Variants in PDZRN4 observed in about 807,000 individuals in gnomAD.
The protein encoded by PDZRN4 is PDZ domain containing ring finger 4.
Under a neutral mutation model 99.0 loss-of-function variants are expected in PDZRN4, and 70 were observed. The observed-to-expected ratio is 0.71, with a 90% CI of 0.58 to 0.86. The LOEUF (loss-of-function observed/expected upper bound fraction) is 0.86. PDZRN4 is among the 40% of genes least tolerant of loss of function. The probability of loss-of-function intolerance (pLI) is 0.00; values close to 1 mark genes in which losing one functional copy is unlikely to be tolerated. For synonymous variants in PDZRN4, 551 were observed against 501.6 expected, an observed-to-expected ratio of 1.10 and a Z score of -1.32; for missense variants, 1,474 against 1,331.2, an observed-to-expected ratio of 1.11 and a Z score of -1.67.
chr12:41,204,742 G>A (rs1950837124), intron 3 of PDZRN4, among the ~76,000 whole-genome samples: 2 of 151,918 alleles, frequency 1.3e-5, no homozygotes, highest in Admixed American at 1.3e-4. Context: ...GGGGATTATG[G>A]GAATTACAAT....
intron 3 of PDZRN4, among the ~76,000 whole-genome samples, chr12:41,355,688 T>G (rs932670254): frequency 1.3e-5 from 2 of 152,088 alleles, no homozygotes; most frequent in Non-Finnish European, 2.9e-5. Flanking sequence ...AGCAGACAGC[T>G]GGGTCCCACA....
intron 3 of PDZRN4, among the ~76,000 whole-genome samples, chr12:41,213,778 T>C (rs572212039): frequency 6.6e-6 from 1 of 152,146 alleles, no homozygotes; most frequent in Middle Eastern, 3.4e-3. Flanking sequence ...TTGCAAATAG[T>C]TGATCTAAGA....
At chr12:41,466,714 G>T (rs1592071214) in intron 3 of PDZRN4, among the ~76,000 whole-genome samples, 1 of 151,074 alleles carries the variant, frequency 6.6e-6, no homozygotes, top group African/African-American at 2.4e-5. Flanking sequence ...AAGAAAAAGA[G>T]AGCCTGGTGT....
rs577638139 is a variant in PDZRN4 at position 41,473,098 on chromosome 12, T to G, written c.844-33358T>G. 1.3e-3 allele frequency among the ~76,000 whole-genome samples: 189 copies of G among 146,464 alleles called. 5 individuals are homozygous for G. In the South Asian group the frequency reaches 0.039, roughly 30 times the overall value. On this transcript the variant is annotated intron_variant, in intron 3 of 9. Transcript: ENST00000402685. ...AGTTGGGTAAGATATTACAGTTTTG[T>G]TTTATTTTTTAAGTAAAGCCTTATG...
intron 3 of PDZRN4, among the ~76,000 whole-genome samples, chr12:41,289,428 A>G (rs1237830870): frequency 3.3e-5 from 5 of 152,166 alleles, no homozygotes; most frequent in African/African-American, 4.8e-5. Context: ...GTCCAGAAAA[A>G]TATATGGATT....
chr12:41,495,272 G>T (rs1390826364), intron 3 of PDZRN4, among the ~76,000 whole-genome samples: 1 of 152,044 alleles, frequency 6.6e-6, no homozygotes, highest in African/African-American at 2.4e-5. Flanking sequence ...AGTGAATTTT[G>T]ATTTCTAAAA....
chr12:41,331,890 A>G (rs1951743010), intron 3 of PDZRN4, among the ~76,000 whole-genome samples: 1 of 152,118 alleles, frequency 6.6e-6, no homozygotes. Context: ...CTACAATTCA[A>G]TGTGAGATTT....
chr12:41,331,102 T>C (rs1007730337), intron 3 of PDZRN4, among the ~76,000 whole-genome samples: 8 of 152,102 alleles, frequency 5.3e-5, no homozygotes, highest in Admixed American at 3.9e-4. Flanking sequence ...TCCAATTGAT[T>C]TTAGAAGTAT....
intron 3 of PDZRN4, among the ~76,000 whole-genome samples, chr12:41,226,152 T>C (rs1052655941): frequency 6.6e-6 from 1 of 152,028 alleles, no homozygotes; most frequent in African/African-American, 2.4e-5. Flanking sequence ...GTCCTATATG[T>C]GTTACAAAAT....
At chr12:41,198,308 T>C (rs192417575) in intron 3 of PDZRN4, among the ~76,000 whole-genome samples, 31 of 152,098 alleles carry the variant, frequency 2.0e-4, no homozygotes, top group African/African-American at 6.7e-4. Flanking sequence ...GCTCTTTGTT[T>C]ACACTTTCTT....
chr12:41,420,747 C>G (rs1399917837), intron 3 of PDZRN4, among the ~76,000 whole-genome samples: 2 of 152,238 alleles, frequency 1.3e-5, no homozygotes, highest in Non-Finnish European at 2.9e-5. Context: ...GTTCTTGACC[C>G]TTTTTTCCTT....
chr12:41,458,145 G>C (rs991818187), intron 3 of PDZRN4, among the ~76,000 whole-genome samples: 3 of 152,136 alleles, frequency 2.0e-5, no homozygotes, highest in African/African-American at 7.2e-5. Context: ...TTAGTCTGAG[G>C]AGAGTGACTT....
At chr12:41,518,593 A>T (rs1938443059) in intron 5 of PDZRN4, among the ~76,000 whole-genome samples, 3 of 152,114 alleles carry the variant, frequency 2.0e-5, no homozygotes, top group Admixed American at 2.0e-4. Flanking sequence ...AATATTTATT[A>T]AAAAATTGCT....
At chr12:41,499,986 T>C (rs1367106021) in intron 3 of PDZRN4, among the ~76,000 whole-genome samples, 3 of 152,136 alleles carry the variant, frequency 2.0e-5, no homozygotes, top group Middle Eastern at 3.4e-3. Flanking sequence ...TTAAATCAGA[T>C]TGGTAGAGGC....
intron 3 of PDZRN4, among the ~76,000 whole-genome samples, chr12:41,300,988 G>A (rs1298154814): frequency 6.6e-6 from 1 of 152,004 alleles, no homozygotes; most frequent in African/African-American, 2.4e-5. Flanking sequence ...TATTTTTAAA[G>A]TACTGGATTA....
intron 3 of PDZRN4, among the ~76,000 whole-genome samples, chr12:41,367,642 A>G (rs924720851): frequency 4.6e-5 from 7 of 152,100 alleles, no homozygotes; most frequent in Non-Finnish European, 7.4e-5. Context: ...TCACAAGATG[A>G]GAGCTTCTTG....
intron 3 of PDZRN4, among the ~76,000 whole-genome samples, chr12:41,220,740 C>A (rs142114519): frequency 4.7e-4 from 72 of 152,142 alleles, no homozygotes; most frequent in African/African-American, 1.6e-3. Context: ...ATGGAATAAA[C>A]CAGGCAATTC....
intron 3 of PDZRN4, among the ~76,000 whole-genome samples, chr12:41,223,279 G>A (rs1020625532): frequency 7.2e-5 from 11 of 152,128 alleles, no homozygotes; most frequent in African/African-American, 2.7e-4. Flanking sequence ...ATGATGGTTT[G>A]TGTATGTAGA....
At chr12:41,258,061 AG>A (rs1199862795) in intron 3 of PDZRN4, among the ~76,000 whole-genome samples, 2 of 152,168 alleles carry the variant, frequency 1.3e-5, no homozygotes, top group Admixed American at 6.6e-5. Flanking sequence ...AGCAAGTGAT[AG>A]GGGCTGGATT....
Sources: gnomAD v4.1 joint callset for allele counts (sites outside exome capture counted in the v4.1 genomes callset) on GRCh38, gnomAD v4.1.1 for gene constraint, MANE v1.5 for transcripts, NCBI Gene and HGNC (gene_info 2026-07-23, HGNC 2026-07-21) for gene names.